CACNA1E: variants seen among roughly 807,000 people sequenced by gnomAD.
CACNA1E encodes voltage-dependent R-type calcium channel subunit alpha-1E.
In CACNA1E, 40 loss-of-function variants were observed where a neutral mutation model predicts 259.2. The observed-to-expected ratio is 0.15, with a 90% CI of 0.12 to 0.20. The LOEUF (loss-of-function observed/expected upper bound fraction) is 0.20, where lower values mean the gene tolerates loss of function less well. Among genes scored for constraint, CACNA1E ranks in the 10% least tolerant of loss-of-function variants. The pLI is 1.00. For missense variants in CACNA1E, 1,874 were observed against 3,040.1 expected, an observed-to-expected ratio of 0.62 and a Z score of 9.02; for synonymous variants, 1,104 against 1,138.5, an observed-to-expected ratio of 0.97 and a Z score of 0.61.
At chr1:181,473,009 G>A (rs1420772312) in intron 2 of CACNA1E, among the ~76,000 whole-genome samples, 1 of 152,156 alleles carries the variant, frequency 6.6e-6, no homozygotes, top group Non-Finnish European at 1.5e-5. Context: ...AGTGGCATGG[G>A]CTGGCAGCAG....
At chr1:181,611,862 A>G (rs1311609665) in intron 6 of CACNA1E, among the ~76,000 whole-genome samples, 1 of 152,250 alleles carries the variant, frequency 6.6e-6, no homozygotes, top group Non-Finnish European at 1.5e-5. Context: ...GTATATGATC[A>G]TTCTAGTATG....
intron 3 of CACNA1E, among the ~76,000 whole-genome samples, chr1:181,537,777 C>T (rs1391708792): frequency 6.6e-6 from 1 of 152,194 alleles, no homozygotes; most frequent in Admixed American, 6.5e-5. Flanking sequence ...TCTAATGCCT[C>T]AACAACCCTA....
In CACNA1E at chr1:181,756,983, C is replaced by T. The variant is rs770435124; in HGVS notation, c.4186C>T (p.Arg1396Cys). 17 of 1,613,490 alleles carry T rather than the reference C, an allele frequency of 1.1e-5. No individual in the cohort carries two copies. Among genetic ancestry groups the T allele is most frequent in the Admixed American group, 3.3e-5 (2 of 60,010 alleles). ...AGACCGAGGCCCAAGCCGCAGCAACCGCATGGAGATGTCTATCTTTTATGT... is the reference window on the plus strand; with the variant it reads ...AGACCGAGGCCCAAGCCGCAGCAACTGCATGGAGATGTCTATCTTTTATGT... ...EEDRGPSRSN[R>C]MEMSIFYVVY... Residue 1396 changes from arginine to cysteine, a missense_variant, in exon 30 of 48, where the codon CGC becomes TGC. Arg to Cys is a radical substitution (Grantham distance 180). Around this residue, in one of 14 missense-constraint regions of CACNA1E, gnomAD observed 188 missense variants for 540.6 expected, o/e 0.35. Coordinates refer to ENST00000367573, the MANE Select transcript of CACNA1E (RefSeq NM_001205293.3).
In CACNA1E at chr1:181,793,813, A is replaced by C. The variant is rs190743003; in HGVS notation, c.6027+20A>C. On this transcript the variant is annotated intron_variant, in intron 45 of 47. Coordinates refer to ENST00000367573, the MANE Select transcript of CACNA1E (RefSeq NM_001205293.3). The stretch of plus-strand genomic sequence containing the variant: ...CCCCAGGTAAAAAGCAACCACCTAC[A>C]TTAATGCAGTGGCATCCGGGCTGTA... 25 of 1,609,048 alleles carry C rather than the reference A, an allele frequency of 1.6e-5. No individual in the cohort carries two copies. The South Asian group carries it at 2.0e-4, about 13-fold the overall frequency.
intron 44 of CACNA1E, among the ~76,000 whole-genome samples, chr1:181,791,348 C>T (rs563256883): frequency 6.6e-6 from 1 of 152,300 alleles, no homozygotes; most frequent in Non-Finnish European, 1.5e-5. Context: ...TGGCAGGCAC[C>T]TGTGGTTCCA....
At chr1:181,446,873 C>A (rs1660823585) in intron 2 of CACNA1E, among the ~76,000 whole-genome samples, 1 of 151,876 alleles carries the variant, frequency 6.6e-6, no homozygotes, top group Non-Finnish European at 1.5e-5. Context: ...GTAAATGGTA[C>A]CTGGTTTGTT....
intron 44 of CACNA1E, among the ~76,000 whole-genome samples, chr1:181,790,967 A>T (rs1182231731): frequency 3.3e-5 from 5 of 152,204 alleles, no homozygotes; most frequent in African/African-American, 1.2e-4. Flanking sequence ...CAAATGCCCC[A>T]TGCCATTCCT....
chr1:181,626,039 A>C (rs555456322), intron 6 of CACNA1E, among the ~76,000 whole-genome samples: 1 of 152,308 alleles, frequency 6.6e-6, no homozygotes, highest in East Asian at 1.9e-4. Context: ...TCAATGGTGC[A>C]GTCATAACAC....
chr1:181,482,440 GA>G (rs554155762), upstream of CACNA1E, among the ~76,000 whole-genome samples: 4 of 152,370 alleles, frequency 2.6e-5, no homozygotes, highest in South Asian at 8.3e-4. Flanking sequence ...TTACTTGGGG[GA>G]AAGGGGACTC....
At chr1:181,637,330 G>C (rs1303191466) in intron 6 of CACNA1E, among the ~76,000 whole-genome samples, 1 of 151,978 alleles carries the variant, frequency 6.6e-6, no homozygotes, top group Non-Finnish European at 1.5e-5. Context: ...TACTAGTTTT[G>C]CTATTTTAGT....
intron 7 of CACNA1E, among the ~76,000 whole-genome samples, chr1:181,660,055 G>A (rs1054795453): frequency 2.0e-5 from 3 of 152,172 alleles, no homozygotes; most frequent in African/African-American, 4.8e-5. Flanking sequence ...TGATGTTCAC[G>A]TATACAATGT....
intron 1 of CACNA1E, among the ~76,000 whole-genome samples, chr1:181,404,290 T>A (rs1657313576): frequency 6.6e-6 from 1 of 152,220 alleles, no homozygotes; most frequent in Non-Finnish European, 1.5e-5. Flanking sequence ...AATTGGATTG[T>A]AATTGTTGGT....
Position 181,737,404 on chromosome 1 carries a change from C to A in CACNA1E, c.3423-121C>A, listed in dbSNP as rs73045106. The stretch of plus-strand genomic sequence containing the variant: ...TGAGAAATTAAATTGCTCTCCCTGG[C>A]GGCTTCCTTTGGCAAGGGCCTGGCT... On this transcript the variant is annotated intron_variant, in intron 22 of 47. Coordinates refer to ENST00000367573, the MANE Select transcript of CACNA1E (RefSeq NM_001205293.3). 7 of 1,124,592 alleles carry A rather than the reference C, an allele frequency of 6.2e-6. No individual in the cohort carries two copies. In the Admixed American group the frequency reaches 1.3e-4, roughly 20 times the overall value. The allele number at this position is 1,124,592 out of a possible 1,614,324, so 69.7% of individuals were successfully genotyped here.
In CACNA1E at chr1:181,739,599, C is replaced by T. The variant is rs559417439; in HGVS notation, c.3719+346C>T. Among the ~76,000 whole-genome samples, 30 of 152,244 alleles carry T rather than the reference C, an allele frequency of 2.0e-4. 1 individual carries two copies. Among genetic ancestry groups the T allele is most frequent in the African/African-American group, 7.0e-4 (29 of 41,536 alleles). ...AATGGACCCAGGAACAGCTTATGGG[C>T]CCTTTCTTTCTTGAGTGTGTCAATC... On this transcript the variant is annotated intron_variant, in intron 25 of 47. Coordinates refer to ENST00000367573, the MANE Select transcript of CACNA1E (RefSeq NM_001205293.3).
rs544113218 is a variant in CACNA1E, at chr1:181,793,756, G to T, written c.5990G>T (p.Arg1997Met). 1.2e-4 allele frequency: 196 copies of T among 1,611,832 alleles called. 2 individuals are homozygous for T. The South Asian group carries it at 2.0e-3, about 17-fold the overall frequency. Reference sequence around the variant, plus strand: ...ACCCAGGAGCATGCGGGATCTGGGAGGGCATCTTCTATGCCACGTCTGACT... The same window carrying T: ...ACCCAGGAGCATGCGGGATCTGGGATGGCATCTTCTATGCCACGTCTGACT... ...SDTQEHAGSG[R>M]ASSMPRLTVD... Residue 1997 changes from arginine to methionine, a missense_variant, in exon 45 of 48, where the codon AGG becomes ATG. By Grantham distance (91) the Arg-to-Met change is moderately conservative. Coordinates refer to ENST00000367573, the MANE Select transcript of CACNA1E (RefSeq NM_001205293.3).
chr1:181,785,223 C>A, intron 41 of CACNA1E, 95 bp from the exon 42 acceptor site: 1 of 750,590 alleles, frequency 1.3e-6, no homozygotes, highest in South Asian at 1.6e-5. Flanking sequence ...ATAGCACAGA[C>A]CTGTTCCAGA....
At chr1:181,482,949 C>G (rs1460387919), upstream of CACNA1E, among the ~76,000 whole-genome samples, 1 of 152,270 alleles carries the variant, frequency 6.6e-6, no homozygotes, top group East Asian at 1.9e-4. Flanking sequence ...TCTCTGGATG[C>G]TGCTCAACTT....
intron 7 of CACNA1E, among the ~76,000 whole-genome samples, chr1:181,653,794 A>T (rs1195140510): frequency 6.6e-6 from 1 of 152,246 alleles, no homozygotes; most frequent in Non-Finnish European, 1.5e-5. Flanking sequence ...AATAATCTGC[A>T]AAGATTATTT....
intron 16 of CACNA1E, among the ~76,000 whole-genome samples, chr1:181,723,801 G>A (rs1654632217): frequency 6.6e-6 from 1 of 152,348 alleles, no homozygotes; most frequent in South Asian, 2.1e-4. Flanking sequence ...GAGGGGCAGA[G>A]GGAAAGGCAT....
Sources: allele counts gnomAD v4.1 joint callset (sites outside exome capture counted in the v4.1 genomes callset), GRCh38; gene constraint gnomAD v4.1.1; regional missense constraint gnomAD v4.1.1; transcripts MANE v1.5; gene names NCBI Gene and HGNC (gene_info 2026-07-23, HGNC 2026-07-21).